AGTPBP1: variants seen among roughly 807,000 people sequenced by gnomAD.
AGTPBP1 encodes cytosolic carboxypeptidase 1.
AGTPBP1 carries 70 observed loss-of-function variants against 143.9 expected under a neutral mutation model. The ratio of observed to expected loss-of-function variants is 0.49; its 90% CI spans 0.40 to 0.59. AGTPBP1 has a LOEUF of 0.59. AGTPBP1 is among the 20% of genes least tolerant of loss of function. AGTPBP1 has a pLI of 0.00. For synonymous variants in AGTPBP1, 463 were observed against 500.2 expected (o/e 0.93, Z 0.99); for missense variants, 1,229 against 1,464.5 (o/e 0.84, Z 2.62).
the AGTPBP1 span, chr9:85,786,573 A>C: frequency 3.7e-6 from 6 of 1,613,564 alleles, no homozygotes; most frequent in Non-Finnish European, 5.1e-6. Context: ...AGGGACTTAA[A>C]AACTTAGACA....
At chr9:85,681,229 C>T (rs753928512) in intron 4 of AGTPBP1, 39 bp downstream of exon 4, 4 of 1,576,188 alleles carry the variant, frequency 2.5e-6, no homozygotes, top group Non-Finnish European at 3.5e-6. Flanking sequence ...TATTGCTTGG[C>T]ATTAGTAGTT....
At chr9:85,712,063 A>G (rs1837414251) in intron 2 of AGTPBP1, among the ~76,000 whole-genome samples, 1 of 151,638 alleles carries the variant, frequency 6.6e-6, no homozygotes, top group Non-Finnish European at 1.5e-5. Flanking sequence ...CAGGAGTTCG[A>G]GACCAGCCTG....
chr9:85,567,137 G>C (rs543534648), intron 25 of AGTPBP1, among the ~76,000 whole-genome samples: 4 of 152,316 alleles, frequency 2.6e-5, no homozygotes, highest in African/African-American at 9.6e-5. Flanking sequence ...AGGCCTGGGA[G>C]TGGGGGACTC....
At chr9:85,781,566 T>G in the AGTPBP1 span, among the ~76,000 whole-genome samples, 2 of 152,216 alleles carry the variant, frequency 1.3e-5, no homozygotes, top group Non-Finnish European at 1.5e-5. Context: ...GCAAAGGAAA[T>G]GATCAATTAT....
At chr9:85,662,176 T>C (rs1420390955) in intron 8 of AGTPBP1, among the ~76,000 whole-genome samples, 1 of 152,102 alleles carries the variant, frequency 6.6e-6, no homozygotes, top group Non-Finnish European at 1.5e-5. Flanking sequence ...TAGGTAAAGT[T>C]CACAGCAAAA....
chr9:85,721,222 G>A (rs1838093100), intron 1 of AGTPBP1, among the ~76,000 whole-genome samples: 1 of 152,190 alleles, frequency 6.6e-6, no homozygotes, highest in Non-Finnish European at 1.5e-5. Context: ...GGATATCCTT[G>A]TTAACCTTCT....
intron 13 of AGTPBP1, among the ~76,000 whole-genome samples, chr9:85,640,007 CA>C (rs1194852933): frequency 6.6e-6 from 1 of 152,164 alleles, no homozygotes; most frequent in Non-Finnish European, 1.5e-5. Flanking sequence ...TTGAAACAAA[CA>C]CATAAAGTAA....
intron 23 of AGTPBP1, among the ~76,000 whole-genome samples, chr9:85,580,177 G>A (rs907257688): frequency 6.6e-6 from 1 of 151,222 alleles, no homozygotes; most frequent in African/African-American, 2.4e-5. Flanking sequence ...GGCAGAGGTT[G>A]CGTGAGCCGA....
intron 3 of AGTPBP1, among the ~76,000 whole-genome samples, chr9:85,689,925 A>AAAATATATAT (rs58719163): frequency 1.2e-4 from 9 of 72,504 alleles, no homozygotes; most frequent in African/African-American, 2.8e-4. Flanking sequence ...AAAAAAAAAA[A>AAAATATATAT]ATATATATAT....
chr9:85,637,776 T>G (rs1037718535), intron 13 of AGTPBP1, among the ~76,000 whole-genome samples: 4 of 152,218 alleles, frequency 2.6e-5, no homozygotes, highest in Admixed American at 1.3e-4. Flanking sequence ...TAAGTGAAAC[T>G]TACTGTATGC....
At chr9:85,593,729 T>C (rs1044001765) in intron 18 of AGTPBP1, among the ~76,000 whole-genome samples, 23 of 152,172 alleles carry the variant, frequency 1.5e-4, no homozygotes, top group African/African-American at 5.5e-4. Context: ...TAATTGTTGA[T>C]ACTGGGTGAT....
At chr9:85,754,040 C>A in the AGTPBP1 span, among the ~76,000 whole-genome samples, 1 of 152,162 alleles carries the variant, frequency 6.6e-6, no homozygotes, top group African/African-American at 2.4e-5. Context: ...ATTTTCTCAT[C>A]CAGAAATGTG....
intron 2 of AGTPBP1, among the ~76,000 whole-genome samples, chr9:85,699,722 T>G (rs891350185): frequency 1.3e-5 from 2 of 152,264 alleles, no homozygotes; most frequent in African/African-American, 4.8e-5. Context: ...CAGAAATTTC[T>G]GCTCAATTAT....
intron 2 of AGTPBP1, among the ~76,000 whole-genome samples, chr9:85,708,374 G>T (rs62570570): frequency 0.015 from 2,254 of 152,226 alleles, 25 homozygotes; most frequent in Middle Eastern, 0.037. Context: ...ACCAAGTAAT[G>T]TAACATATTC....
intron 19 of AGTPBP1, 112 bp from the exon 20 acceptor site, chr9:85,589,793 C>A (rs11141026): frequency 0.11 from 126,333 of 1,099,698 alleles, 12,211 homozygotes; most frequent in East Asian, 0.53. Flanking sequence ...ATTCTTAACC[C>A]CTTATCCAAA....
the AGTPBP1 span, among the ~76,000 whole-genome samples, chr9:85,769,937 C>T: frequency 2.0e-5 from 3 of 151,984 alleles, no homozygotes; most frequent in African/African-American, 2.4e-5. Flanking sequence ...AAGTATATTC[C>T]GTGGATTAGA....
chr9:85,605,989 A>G (rs1021592545), intron 17 of AGTPBP1, among the ~76,000 whole-genome samples: 1 of 152,076 alleles, frequency 6.6e-6, no homozygotes, highest in Admixed American at 6.5e-5. Context: ...GGGAAAGAAG[A>G]GAGGACCACA....
chr9:85,790,910 T>C, the AGTPBP1 span, among the ~76,000 whole-genome samples: 3 of 152,224 alleles, frequency 2.0e-5, no homozygotes, highest in Admixed American at 6.5e-5. Context: ...TTAAAATGTA[T>C]ACTTAATGAT....
chr9:85,753,635 C>G, the AGTPBP1 span, among the ~76,000 whole-genome samples: 2 of 151,854 alleles, frequency 1.3e-5, no homozygotes, highest in Admixed American at 6.6e-5. Flanking sequence ...GCTTGTAATC[C>G]CAGCTACTTG....
Sources: allele counts gnomAD v4.1 joint callset (sites outside exome capture counted in the v4.1 genomes callset), GRCh38; gene constraint gnomAD v4.1.1; transcripts MANE v1.5; gene names NCBI Gene and HGNC (gene_info 2026-07-23, HGNC 2026-07-21).